ZNF385D: variants seen among roughly 807,000 people sequenced by gnomAD.
The protein encoded by ZNF385D is zinc finger protein 385D.
In ZNF385D, 15 loss-of-function variants were observed where a neutral mutation model predicts 35.8. That is an observed-to-expected ratio of 0.42 (90% CI 0.28 to 0.64). The LOEUF (loss-of-function observed/expected upper bound fraction) is 0.64, where lower values mean the gene tolerates loss of function less well. Among genes scored for constraint, ZNF385D ranks in the 30% least tolerant of loss-of-function variants. The probability of loss-of-function intolerance (pLI) is 0.23; values close to 1 mark genes in which losing one functional copy is unlikely to be tolerated. For synonymous variants in ZNF385D, 212 were observed against 186.8 expected (o/e 1.13, Z -1.10); for missense variants, 474 against 494.6 (o/e 0.96, Z 0.39).
At chr3:22,304,601 T>G (rs1440047152) in intron 2 of ZNF385D, among the ~76,000 whole-genome samples, 1 of 152,166 alleles carries the variant, frequency 6.6e-6, no homozygotes, top group East Asian at 1.9e-4. Flanking sequence ...TCCCACTTTT[T>G]CCAGCACCAA....
intron 4 of ZNF385D, among the ~76,000 whole-genome samples, chr3:21,453,310 A>C: frequency 6.6e-6 from 1 of 152,000 alleles, no homozygotes. Context: ...TGTATTAGGC[A>C]ATGGTTTCTT....
chr3:22,202,172 C>T (rs1173082084), intron 2 of ZNF385D, among the ~76,000 whole-genome samples: 1 of 151,982 alleles, frequency 6.6e-6, no homozygotes, highest in East Asian at 1.9e-4. Flanking sequence ...TACTATCTTA[C>T]TGCAGTGATA....
chr3:21,614,233 G>T (rs2064774770), intron 2 of ZNF385D, among the ~76,000 whole-genome samples: 1 of 152,078 alleles, frequency 6.6e-6, no homozygotes, highest in Non-Finnish European at 1.5e-5. Context: ...CTTATAGATG[G>T]CCACCTTGTT....
chr3:22,325,138 CAAT>C (rs1694619150), intron 2 of ZNF385D, among the ~76,000 whole-genome samples: 1 of 152,158 alleles, frequency 6.6e-6, no homozygotes, highest in African/African-American at 2.4e-5. Context: ...AATACTACTA[CAAT>C]ATTACTACAA....
intron 2 of ZNF385D, among the ~76,000 whole-genome samples, chr3:21,658,345 G>A (rs1209246013): frequency 6.6e-6 from 1 of 151,984 alleles, no homozygotes; most frequent in African/African-American, 2.4e-5. Flanking sequence ...TGCAAATTAA[G>A]GAGATGACTC....
At chr3:21,498,677 G>A (rs1443708085) in intron 4 of ZNF385D, among the ~76,000 whole-genome samples, 2 of 152,016 alleles carry the variant, frequency 1.3e-5, no homozygotes, top group African/African-American at 4.8e-5. Context: ...TGGTCAGAAT[G>A]GCTATTAATA....
intron 3 of ZNF385D, among the ~76,000 whole-genome samples, chr3:21,552,395 A>G (rs2062599148): frequency 6.6e-6 from 1 of 152,146 alleles, no homozygotes; most frequent in Non-Finnish European, 1.5e-5. Context: ...TTTCCAGTAC[A>G]TGAGTTTCTT....
chr3:22,333,692 T>C (rs1390714821), intron 2 of ZNF385D, among the ~76,000 whole-genome samples: 2 of 152,188 alleles, frequency 1.3e-5, no homozygotes, highest in East Asian at 1.9e-4. Context: ...ACCTTCCTCA[T>C]TGGAGAATTT....
chr3:21,837,672 G>C lies in ZNF385D; in HGVS notation c.326-172644C>G, dbSNP rs117314158. ...GCAGATCACGAGGTTAAGAGATCAA[G>C]GTCATCCTGGCCAACATGGTGAAAC... is the stretch of plus-strand genomic sequence containing the variant. On this transcript the variant is annotated intron_variant, in intron 3 of 5. Coordinates refer to the ZNF385D transcript ENST00000494108. 1.3e-3 allele frequency among the ~76,000 whole-genome samples: 201 copies of C among 152,148 alleles called. 5 individuals are homozygous for C. In the East Asian group the frequency reaches 0.036, roughly 27 times the overall value.
At chr3:21,694,685 G>T (rs1390194460) in intron 1 of ZNF385D, among the ~76,000 whole-genome samples, 1 of 152,262 alleles carries the variant, frequency 6.6e-6, no homozygotes, top group East Asian at 1.9e-4. Flanking sequence ...GACAAAAGAT[G>T]AAATCTTGGG....
At chr3:22,235,795 T>C (rs969783405) in intron 2 of ZNF385D, among the ~76,000 whole-genome samples, 2 of 152,100 alleles carry the variant, frequency 1.3e-5, no homozygotes, top group African/African-American at 4.8e-5. Context: ...AATTCTCACA[T>C]AGTCTGGGAG....
intron 2 of ZNF385D, among the ~76,000 whole-genome samples, chr3:22,283,593 C>G (rs983767692): frequency 6.6e-6 from 1 of 152,126 alleles, no homozygotes; most frequent in Non-Finnish European, 1.5e-5. Context: ...AAACCAGATT[C>G]TGACATGTAA....
intron 3 of ZNF385D, among the ~76,000 whole-genome samples, chr3:22,023,659 G>GT (rs1189528615): frequency 6.7e-6 from 1 of 148,692 alleles, no homozygotes; most frequent in East Asian, 2.0e-4. Context: ...GCAAAGCAAT[G>GT]CTTTTTTTTT....
intron 4 of ZNF385D, chr3:21,443,324 G>C: frequency 1.0e-6 from 1 of 985,320 alleles, no homozygotes; most frequent in Non-Finnish European, 1.2e-6. Context: ...AATTCCTGGG[G>C]AACAAAGTGT....
At chr3:21,974,984 C>T (rs994352979) in intron 3 of ZNF385D, among the ~76,000 whole-genome samples, 1 of 152,142 alleles carries the variant, frequency 6.6e-6, no homozygotes, top group African/African-American at 2.4e-5. Flanking sequence ...GAAATTAGTA[C>T]AACCACTATA....
chr3:22,190,847 G>C (rs1054437586), intron 2 of ZNF385D, among the ~76,000 whole-genome samples: 1 of 151,780 alleles, frequency 6.6e-6, no homozygotes, highest in East Asian at 1.9e-4. Flanking sequence ...ATTTAATCTA[G>C]TTTAACATGA....
At chr3:22,121,819 G>A (rs1179483024) in intron 3 of ZNF385D, among the ~76,000 whole-genome samples, 1 of 151,844 alleles carries the variant, frequency 6.6e-6, no homozygotes, top group Admixed American at 6.6e-5. Flanking sequence ...TTTTCCTTTA[G>A]CCTTAAAATA....
intron 3 of ZNF385D, among the ~76,000 whole-genome samples, chr3:22,048,679 G>T (rs938647923): frequency 6.6e-6 from 1 of 152,114 alleles, no homozygotes; most frequent in Admixed American, 6.5e-5. Context: ...CAGGTAATGT[G>T]ATGCCTTTGG....
chr3:22,106,850 C>T (rs538308396), intron 3 of ZNF385D, among the ~76,000 whole-genome samples: 1 of 152,162 alleles, frequency 6.6e-6, no homozygotes, highest in South Asian at 2.1e-4. Flanking sequence ...ACCACGATCC[C>T]TTAACTTGTG....
Sources: gnomAD v4.1 joint callset for allele counts (sites outside exome capture counted in the v4.1 genomes callset) on GRCh38, gnomAD v4.1.1 for gene constraint, MANE v1.5 for transcripts, NCBI Gene and HGNC (gene_info 2026-07-23, HGNC 2026-07-21) for gene names.